The following GUCY1A2 variants were observed in gnomAD, a reference collection of about 807,000 sequenced individuals.
GUCY1A2 encodes guanylate cyclase soluble subunit alpha-2.
Under a neutral mutation model 63.5 loss-of-function variants are expected in GUCY1A2, and 27 were observed. The ratio of observed to expected loss-of-function variants is 0.43; its 90% CI spans 0.31 to 0.59. GUCY1A2 has a LOEUF of 0.59. Among genes scored for constraint, GUCY1A2 ranks in the 20% least tolerant of loss-of-function variants. GUCY1A2 has a pLI of 0.11. For synonymous variants in GUCY1A2, 364 were observed against 343.5 expected, an observed-to-expected ratio of 1.06 and a Z score of -0.66; for missense variants, 768 against 913.3, an observed-to-expected ratio of 0.84 and a Z score of 2.05.
intron 4 of GUCY1A2, among the ~76,000 whole-genome samples, chr11:106,929,309 G>A (rs967843701): frequency 5.3e-5 from 8 of 152,098 alleles, no homozygotes; most frequent in Admixed American, 6.5e-5. Flanking sequence ...ATTTTGAGGA[G>A]CAGAAATTGT....
intron 4 of GUCY1A2, among the ~76,000 whole-genome samples, chr11:106,916,039 C>A (rs775394633): frequency 6.9e-6 from 1 of 145,270 alleles, no homozygotes; most frequent in Non-Finnish European, 1.5e-5. Context: ...AGGACATGAT[C>A]AAAATGCACT....
chr11:106,840,920 CAACATA>C (rs1334891505), intron 4 of GUCY1A2, among the ~76,000 whole-genome samples: 7 of 151,962 alleles, frequency 4.6e-5, no homozygotes, highest in Non-Finnish European at 8.8e-5. Context: ...ATAAACACAT[CAACATA>C]AAGTTTTAGT....
intron 4 of GUCY1A2, among the ~76,000 whole-genome samples, chr11:106,838,560 C>A (rs1051914754): frequency 6.6e-6 from 1 of 151,868 alleles, no homozygotes; most frequent in Non-Finnish European, 1.5e-5. Context: ...AGACCATGAG[C>A]AATTGGTGTA....
intron 4 of GUCY1A2, among the ~76,000 whole-genome samples, chr11:106,888,585 C>T (rs1049911613): frequency 6.6e-6 from 1 of 152,162 alleles, no homozygotes; most frequent in Admixed American, 6.5e-5. Context: ...GTTTCCCTTG[C>T]TTTCTGGTTT....
chr11:106,711,243 G>T (rs923093306), intron 6 of GUCY1A2, among the ~76,000 whole-genome samples: 1 of 152,106 alleles, frequency 6.6e-6, no homozygotes, highest in Non-Finnish European at 1.5e-5. Context: ...AAAAGAGTTG[G>T]CATTTCAGAT....
At chr11:106,704,376 A>G (rs563532629) in intron 7 of GUCY1A2, among the ~76,000 whole-genome samples, 1 of 152,318 alleles carries the variant, frequency 6.6e-6, no homozygotes, top group Non-Finnish European at 1.5e-5. Context: ...ACTTGGTCCA[A>G]AGAAATTAAG....
At chr11:107,015,639 T>C (rs1861812769) in intron 1 of GUCY1A2, among the ~76,000 whole-genome samples, 1 of 146,902 alleles carries the variant, frequency 6.8e-6, no homozygotes, top group Non-Finnish European at 1.5e-5. Flanking sequence ...AACTAATCAT[T>C]ATCTTTAGCA....
intron 5 of GUCY1A2, among the ~76,000 whole-genome samples, chr11:106,803,037 C>T (rs971876567): frequency 6.6e-6 from 1 of 152,128 alleles, no homozygotes; most frequent in African/African-American, 2.4e-5. Flanking sequence ...CAGCAAGACA[C>T]ATCATTAATA....
At chr11:106,838,557 G>C (rs1214746847) in intron 4 of GUCY1A2, among the ~76,000 whole-genome samples, 1 of 151,912 alleles carries the variant, frequency 6.6e-6, no homozygotes, top group Non-Finnish European at 1.5e-5. Context: ...CGCAGACCAT[G>C]AGCAATTGGT....
intron 6 of GUCY1A2, among the ~76,000 whole-genome samples, chr11:106,708,975 C>G (rs1433616219): frequency 6.6e-6 from 1 of 150,664 alleles, no homozygotes; most frequent in Non-Finnish European, 1.5e-5. Flanking sequence ...GTAATATGGT[C>G]TAACTTGAAA....
intron 5 of GUCY1A2, among the ~76,000 whole-genome samples, chr11:106,777,232 C>T (rs190438828): frequency 1.5e-4 from 23 of 152,124 alleles, no homozygotes; most frequent in African/African-American, 4.6e-4. Context: ...CAGCGGATCA[C>T]GAGGTCAGCA....
intron 3 of GUCY1A2, among the ~76,000 whole-genome samples, chr11:106,973,319 T>C (rs949874967): frequency 6.6e-6 from 1 of 152,126 alleles, no homozygotes; most frequent in African/African-American, 2.4e-5. Context: ...ACTGTCACAG[T>C]GTTTACTATA....
At chr11:106,827,045 T>C (rs1591292636) in intron 4 of GUCY1A2, 1 of 1,584,568 alleles carries the variant, frequency 6.3e-7, no homozygotes, top group East Asian at 2.2e-5. Flanking sequence ...GTATGGTCTC[T>C]TGGAAAAGTG....
At chr11:106,998,885 C>T (rs1169527240) in intron 1 of GUCY1A2, among the ~76,000 whole-genome samples, 2 of 152,028 alleles carry the variant, frequency 1.3e-5, no homozygotes, top group African/African-American at 4.8e-5. Flanking sequence ...TTTTTACTTC[C>T]CAATGTATCC....
intron 4 of GUCY1A2, among the ~76,000 whole-genome samples, chr11:106,849,835 A>G (rs1031258237): frequency 2.0e-5 from 3 of 151,706 alleles, no homozygotes; most frequent in African/African-American, 7.2e-5. Context: ...AGGAGAACAT[A>G]ATAGAGGTGA....
chr11:106,989,003 C>G (rs1365121946), intron 1 of GUCY1A2, among the ~76,000 whole-genome samples: 1 of 152,192 alleles, frequency 6.6e-6, no homozygotes, highest in African/African-American at 2.4e-5. Context: ...TAGGGTCCAG[C>G]TCTCAACAAA....
At chr11:106,731,205 TC>T in intron 6 of GUCY1A2, among the ~76,000 whole-genome samples, 1 of 152,280 alleles carries the variant, frequency 6.6e-6, no homozygotes, top group Non-Finnish European at 1.5e-5. Flanking sequence ...TAGGTTATCC[TC>T]CTGAGTTTTT....
chr11:106,902,973 T>C (rs1370216062), intron 4 of GUCY1A2, among the ~76,000 whole-genome samples: 2 of 152,166 alleles, frequency 1.3e-5, no homozygotes, highest in African/African-American at 4.8e-5. Flanking sequence ...GGGACGACAG[T>C]ACATGCCTCT....
intron 4 of GUCY1A2, among the ~76,000 whole-genome samples, chr11:106,856,286 T>G (rs1859433105): frequency 6.6e-6 from 1 of 151,832 alleles, no homozygotes; most frequent in Non-Finnish European, 1.5e-5. Flanking sequence ...CAAGACTCCA[T>G]CTCAAAAAAA....
Sources: allele counts gnomAD v4.1 joint callset (sites outside exome capture counted in the v4.1 genomes callset), GRCh38; gene constraint gnomAD v4.1.1; transcripts MANE v1.5; gene names NCBI Gene and HGNC (gene_info 2026-07-23, HGNC 2026-07-21).